PSD3: variants seen among roughly 807,000 people sequenced by gnomAD.
PSD3 encodes the protein pleckstrin and Sec7 domain containing 3.
In PSD3, 49 loss-of-function variants were observed where a neutral mutation model predicts 105.5. The ratio of observed to expected loss-of-function variants is 0.46; its 90% CI spans 0.37 to 0.59. PSD3 has a LOEUF of 0.59. Ranked by LOEUF, PSD3 falls within the 20% of genes least tolerant of loss-of-function variation. PSD3 has a pLI of 0.00. For missense variants in PSD3, 1,561 were observed against 1,263.8 expected (o/e 1.24, Z -3.57); for synonymous variants, 557 against 457.8 (o/e 1.22, Z -2.77).
At chr8:18,801,479 A>C (rs1262538227) in intron 6 of PSD3, 97 bp from the exon 7 acceptor site, 2 of 677,204 alleles carry the variant, frequency 3.0e-6, no homozygotes, top group African/African-American at 1.9e-5. Flanking sequence ...TAAGATATTA[A>C]TTATACAAAG....
chr8:18,542,692 A>G (rs895361671), intron 15 of PSD3, among the ~76,000 whole-genome samples: 2 of 152,212 alleles, frequency 1.3e-5, no homozygotes, highest in African/African-American at 4.8e-5. Context: ...TCTTGCAGTC[A>G]AGTAGCCTGT....
chr8:19,066,592 A>G (rs1829082503), intron 1 of PSD3, among the ~76,000 whole-genome samples: 1 of 152,190 alleles, frequency 6.6e-6, no homozygotes, highest in African/African-American at 2.4e-5. Flanking sequence ...TCCACAGTCA[A>G]TACAGAACCT....
intron 4 of PSD3, among the ~76,000 whole-genome samples, chr8:18,860,098 CA>C (rs1167408160): frequency 2.6e-5 from 4 of 151,986 alleles, no homozygotes; most frequent in Non-Finnish European, 5.9e-5. Context: ...AGAGGCATTG[CA>C]GGGTTATTAA....
At chr8:18,994,938 C>T in intron 1 of PSD3, among the ~76,000 whole-genome samples, 1 of 151,758 alleles carries the variant, frequency 6.6e-6, no homozygotes, top group East Asian at 1.9e-4. Context: ...CGAGACATAT[C>T]CTTTTATAGG....
chr8:18,722,065 GTTT>G (rs1228794807), intron 9 of PSD3, among the ~76,000 whole-genome samples: 1 of 151,818 alleles, frequency 6.6e-6, no homozygotes, highest in African/African-American at 2.4e-5. Flanking sequence ...GTTGAGCCTT[GTTT>G]TTAACAGTAA....
In PSD3 at chr8:18,804,590, G is replaced by C; in HGVS notation, c.1842C>G (p.Ser614Arg). Residue 614 changes from serine (S) to arginine (R), a missense_variant, in exon 6 of 16, where the codon AGC becomes AGG. Ser to Arg is a moderately radical substitution (Grantham distance 110, BLOSUM62 -1). Transcript: ENST00000327040. ...TCAGATATTCTTCTGCAACTAGTTT[G>C]CTAAATTCGTTGCTATAAGAAAACA... is the stretch of plus-strand genomic sequence containing the variant. ...AKHLGKNNEFSKLVAEEYLKF... is the reference protein window; with the variant it reads ...AKHLGKNNEFRKLVAEEYLKF... 6.2e-7 allele frequency: 1 copy of C among 1,613,094 alleles called. No homozygotes were observed. Among genetic ancestry groups the C allele is most frequent in the Non-Finnish European group, 8.5e-7 (1 of 1,179,108 alleles).
chr8:19,021,908 T>C (rs1827376168), intron 1 of PSD3, among the ~76,000 whole-genome samples: 1 of 152,222 alleles, frequency 6.6e-6, no homozygotes, highest in Admixed American at 6.5e-5. Context: ...CTATTTGTGT[T>C]ACTATAAAGG....
intron 9 of PSD3, among the ~76,000 whole-genome samples, chr8:18,750,562 C>G (rs1270616568): frequency 6.6e-6 from 1 of 152,008 alleles, no homozygotes; most frequent in South Asian, 2.1e-4. Flanking sequence ...ACAAACCTTC[C>G]ACAGTGTGGA....
chr8:18,893,379 C>G (rs1371714812), intron 2 of PSD3, among the ~76,000 whole-genome samples: 2 of 152,188 alleles, frequency 1.3e-5, no homozygotes, highest in African/African-American at 4.8e-5. Context: ...CAAATGGCAT[C>G]TAAGTGGGCA....
chr8:18,684,960 C>A (rs978913062), intron 9 of PSD3, among the ~76,000 whole-genome samples: 1 of 152,204 alleles, frequency 6.6e-6, no homozygotes, highest in South Asian at 2.1e-4. Flanking sequence ...TTTGAGCATA[C>A]TACTCAGGAT....
intron 2 of PSD3, among the ~76,000 whole-genome samples, chr8:18,921,103 C>A (rs1358607136): frequency 6.6e-6 from 1 of 152,156 alleles, no homozygotes; most frequent in Non-Finnish European, 1.5e-5. Flanking sequence ...CTTGAAAAAA[C>A]AAATGTAAAC....
chr8:19,071,606 T>G (rs1328844453), intron 1 of PSD3, among the ~76,000 whole-genome samples: 1 of 152,214 alleles, frequency 6.6e-6, no homozygotes, highest in Non-Finnish European at 1.5e-5. Flanking sequence ...CCCGGGGAGC[T>G]GCCCAGAGGC....
chr8:18,840,457 T>A (rs1244424737), intron 4 of PSD3, among the ~76,000 whole-genome samples: 2 of 152,308 alleles, frequency 1.3e-5, no homozygotes, highest in East Asian at 3.9e-4. Flanking sequence ...CTTTCATTTG[T>A]CCCCACTGTC....
At chr8:19,037,554 A>C (rs1216806702) in intron 1 of PSD3, among the ~76,000 whole-genome samples, 1 of 152,228 alleles carries the variant, frequency 6.6e-6, no homozygotes, top group Admixed American at 6.5e-5. Flanking sequence ...TCATATTCAA[A>C]TTGGTAGACT....
chr8:18,967,419 C>T (rs370874350), intron 1 of PSD3, among the ~76,000 whole-genome samples: 2 of 152,266 alleles, frequency 1.3e-5, no homozygotes, highest in South Asian at 2.1e-4. Flanking sequence ...GCTGGGATTA[C>T]AGGCGTGAGC....
intron 1 of PSD3, among the ~76,000 whole-genome samples, chr8:18,978,153 G>C (rs1265993926): frequency 2.0e-5 from 3 of 152,218 alleles, no homozygotes; most frequent in African/African-American, 7.2e-5. Context: ...AGCCAAAGCA[G>C]GTAACACAGC....
At chr8:18,795,268 A>T (rs570308557) in intron 8 of PSD3, among the ~76,000 whole-genome samples, 1 of 152,288 alleles carries the variant, frequency 6.6e-6, no homozygotes, top group African/African-American at 2.4e-5. Context: ...ACAGGGCATG[A>T]TACTCAACAT....
intron 2 of PSD3, among the ~76,000 whole-genome samples, chr8:18,897,910 C>G (rs1819255878): frequency 1.3e-5 from 2 of 151,958 alleles, no homozygotes; most frequent in African/African-American, 4.8e-5. Flanking sequence ...TTTTTTGAAG[C>G]TTTCATAGTT....
intron 4 of PSD3, among the ~76,000 whole-genome samples, chr8:18,827,678 C>T (rs1039677221): frequency 6.6e-6 from 1 of 152,076 alleles, no homozygotes; most frequent in African/African-American, 2.4e-5. Flanking sequence ...CAGACTCCTG[C>T]AAGGGTCGAG....
Sources: gnomAD v4.1 joint callset for allele counts (sites outside exome capture counted in the v4.1 genomes callset) on GRCh38, gnomAD v4.1.1 for gene constraint, MANE v1.5 for transcripts, NCBI Gene and HGNC (gene_info 2026-07-23, HGNC 2026-07-21) for gene names.